Variants in MLIP observed in about 807,000 individuals in gnomAD.
MLIP encodes the protein muscular LMNA-interacting protein.
MLIP carries 79 observed loss-of-function variants against 84.8 expected under a neutral mutation model. That is an observed-to-expected ratio of 0.93 (90% CI 0.78 to 1.12). The LOEUF is 1.12. Among genes scored for constraint, MLIP ranks in the 50% most tolerant of loss-of-function variants. The probability of loss-of-function intolerance (pLI) is 0.00; values close to 1 mark genes in which losing one functional copy is unlikely to be tolerated. For synonymous variants in MLIP, 504 were observed against 463.0 expected (o/e 1.09, Z -1.14); for missense variants, 1,257 against 1,160.6 (o/e 1.08, Z -1.21).
intron 1 of MLIP, among the ~76,000 whole-genome samples, chr6:54,080,920 G>T (rs1767100544): frequency 6.6e-6 from 1 of 151,838 alleles, no homozygotes; most frequent in Non-Finnish European, 1.5e-5. Context: ...GTGGGTGAAA[G>T]ATTTATTCTC....
At chr6:54,179,653 T>G (rs1291898178) in intron 9 of MLIP, among the ~76,000 whole-genome samples, 2 of 152,162 alleles carry the variant, frequency 1.3e-5, no homozygotes, top group Non-Finnish European at 2.9e-5. Flanking sequence ...CACTTGACAC[T>G]AATTGCATAA....
intron 1 of MLIP, among the ~76,000 whole-genome samples, chr6:54,113,862 A>G (rs977716701): frequency 2.0e-5 from 3 of 152,056 alleles, no homozygotes; most frequent in African/African-American, 7.2e-5. Context: ...ACCTATACAA[A>G]CTGAACTCCA....
intron 11 of MLIP, among the ~76,000 whole-genome samples, chr6:54,208,698 G>A (rs957411825): frequency 2.6e-5 from 4 of 152,208 alleles, no homozygotes; most frequent in Admixed American, 6.5e-5. Flanking sequence ...ATTAGCCTGT[G>A]TATAGAACCA....
chr6:54,055,795 A>G (rs902036893), intron 1 of MLIP, among the ~76,000 whole-genome samples: 1 of 152,172 alleles, frequency 6.6e-6, no homozygotes, highest in African/African-American at 2.4e-5. Flanking sequence ...TAAGGTGATC[A>G]GGGACTGCCG....
In MLIP at chr6:54,083,465, A is replaced by G. The variant is rs1024186563; in HGVS notation, c.64-37982A>G. Reference sequence around the variant, plus strand: ...GCTTTGTCATCTTTGCAGCTCATCAATATCAGCAGCTGACACAGGCAAGTG... The same window carrying G: ...GCTTTGTCATCTTTGCAGCTCATCAGTATCAGCAGCTGACACAGGCAAGTG... On this transcript the variant is annotated intron_variant, in intron 1 of 12. Transcript: ENST00000274897. 14 of 1,527,928 alleles carry G rather than the reference A, an allele frequency of 9.2e-6. No individual in the cohort carries two copies. The East Asian group carries it at 9.8e-5, about 11-fold the overall frequency. 94.6% of individuals were successfully genotyped at this position (1,527,928 alleles called of 1,614,324 possible).
chr6:54,115,462 G>T lies in MLIP; in HGVS notation c.96+3887G>T, dbSNP rs73741435. 3.9e-5 allele frequency among the ~76,000 whole-genome samples: 6 copies of T among 152,210 alleles called. No homozygotes were observed. The East Asian group carries it at 9.6e-4, about 24-fold the overall frequency. On this transcript the variant is annotated intron_variant, in intron 1 of 13. Transcript: ENST00000502396. ...GACTACTAGGGGGATAGTATGGAGC[G>T]ATAAAAAGTGATGGTCAGAGAATGA...
At chr6:54,187,020 A>C (rs1777463025) in intron 9 of MLIP, among the ~76,000 whole-genome samples, 2 of 152,308 alleles carry the variant, frequency 1.3e-5, no homozygotes, top group South Asian at 4.1e-4. Context: ...TGAAAAAGAA[A>C]AAAGATAATT....
intron 11 of MLIP, chr6:54,215,773 C>T (rs1484763134): frequency 6.6e-6 from 1 of 152,340 alleles, no homozygotes; most frequent in Non-Finnish European, 1.5e-5. Flanking sequence ...TTCCTTTTCA[C>T]TTAAATCCCT....
chr6:54,221,916 C>T (rs902939293), intron 11 of MLIP, among the ~76,000 whole-genome samples: 4 of 151,828 alleles, frequency 2.6e-5, no homozygotes, highest in African/African-American at 9.7e-5. Context: ...TATCTGATCA[C>T]AAAAAATTTA....
intron 9 of MLIP, among the ~76,000 whole-genome samples, chr6:54,178,641 C>T (rs539205623): frequency 6.6e-6 from 1 of 152,238 alleles, no homozygotes; most frequent in South Asian, 2.1e-4. Flanking sequence ...TTAATTTCTT[C>T]ATTGACCCAC....
At chr6:54,217,806 A>G (rs1779952782) in intron 11 of MLIP, 5 of 984,742 alleles carry the variant, frequency 5.1e-6, no homozygotes, top group Non-Finnish European at 6.0e-6. Flanking sequence ...TGATCCCTGT[A>G]CATCCCTCAA....
chr6:54,076,874 G>T (rs926746248), intron 1 of MLIP, among the ~76,000 whole-genome samples: 1 of 151,948 alleles, frequency 6.6e-6, no homozygotes, highest in South Asian at 2.1e-4. Context: ...AACTTTAAAG[G>T]ATTTTTGGTT....
intron 1 of MLIP, among the ~76,000 whole-genome samples, chr6:54,096,892 C>G (rs375812543): frequency 6.6e-6 from 1 of 152,080 alleles, no homozygotes; most frequent in Non-Finnish European, 1.5e-5. Context: ...TTAGATGAGA[C>G]GGAGAGAGCT....
At chr6:54,226,442 TTATTGAGAC>T (rs1251255547) in intron 11 of MLIP, among the ~76,000 whole-genome samples, 1 of 152,164 alleles carries the variant, frequency 6.6e-6, no homozygotes, top group Non-Finnish European at 1.5e-5. Context: ...AGCTCTCAAG[TTATTGAGAC>T]TGGGTTACCC....
At chr6:54,215,445 A>C (rs1779791020) in intron 11 of MLIP, 1 of 1,174,826 alleles carries the variant, frequency 8.5e-7, no homozygotes, top group Non-Finnish European at 1.1e-6. Flanking sequence ...AATTTCTTTA[A>C]ATTTTTTCCA....
At chr6:54,132,957 T>C (rs1158947406) in intron 3 of MLIP, among the ~76,000 whole-genome samples, 3 of 152,204 alleles carry the variant, frequency 2.0e-5, no homozygotes, top group Non-Finnish European at 4.4e-5. Flanking sequence ...AGAAACATAA[T>C]GGCAGTTGCT....
rs571056334 is a variant in MLIP, at chr6:54,118,912, A to G, written c.97-2535A>G. Among the ~76,000 whole-genome samples, 8 of 152,344 alleles carry G rather than the reference A, an allele frequency of 5.3e-5. No individual in the cohort carries two copies. In the East Asian group the frequency reaches 1.3e-3, roughly 26 times the overall value. On this transcript the variant is annotated intron_variant, in intron 1 of 13. Transcript: ENST00000502396. ...AATGGCCAACAGGTATATGGCCAATAGGTATGAATGAAAATGATGCTCATA... is the reference window on the plus strand; with the variant it reads ...AATGGCCAACAGGTATATGGCCAATGGGTATGAATGAAAATGATGCTCATA...
At chr6:54,189,813 T>G (rs1777737822) in intron 9 of MLIP, 57 bp from the exon 10 acceptor site, 1 of 1,286,578 alleles carries the variant, frequency 7.8e-7, no homozygotes, top group Admixed American at 1.7e-5. Flanking sequence ...CTTAAACACA[T>G]ACATATTTTA....
At chr6:54,019,903 A>G (rs1045558272) in intron 1 of MLIP, among the ~76,000 whole-genome samples, 1 of 152,194 alleles carries the variant, frequency 6.6e-6, no homozygotes. Context: ...AAAAAGAACC[A>G]TACTGGGTTG....
Sources: gnomAD v4.1 joint callset for allele counts (sites outside exome capture counted in the v4.1 genomes callset) on GRCh38, gnomAD v4.1.1 for gene constraint, MANE v1.5 for transcripts, NCBI Gene and HGNC (gene_info 2026-07-23, HGNC 2026-07-21) for gene names.